Variants in UBQLN1 observed in about 807,000 individuals in gnomAD.
The protein encoded by UBQLN1 is ubiquilin 1.
UBQLN1 carries 13 observed loss-of-function variants against 65.4 expected under a neutral mutation model. That is an observed-to-expected ratio of 0.20 (90% CI 0.13 to 0.32). The LOEUF is 0.32. Ranked by LOEUF, UBQLN1 falls within the 10% of genes least tolerant of loss-of-function variation. UBQLN1 has a pLI of 1.00. For synonymous variants in UBQLN1, 267 were observed against 247.8 expected, an observed-to-expected ratio of 1.08 and a Z score of -0.73; for missense variants, 561 against 724.0, an observed-to-expected ratio of 0.77 and a Z score of 2.58.
chr9:83,666,024 G>A (rs924205987), intron 8 of UBQLN1, among the ~76,000 whole-genome samples: 3 of 152,174 alleles, frequency 2.0e-5, no homozygotes, highest in East Asian at 1.9e-4. Flanking sequence ...ACCATAAAGC[G>A]TAACATGACA....
intron 6 of UBQLN1, among the ~76,000 whole-genome samples, chr9:83,675,419 G>C (rs781165461): frequency 6.6e-6 from 1 of 150,968 alleles, no homozygotes. Context: ...AACTAAAATT[G>C]TTTGAATCAC....
chr9:83,676,301 CA>C (rs1831830906), intron 6 of UBQLN1, among the ~76,000 whole-genome samples: 1 of 152,180 alleles, frequency 6.6e-6, no homozygotes, highest in African/African-American at 2.4e-5. Flanking sequence ...GTTAAAGTAT[CA>C]AACCATTAAG....
Position 83,707,624 on chromosome 9 carries a change from C to T in UBQLN1, c.56G>A (p.Gly19Glu), listed in dbSNP as rs1040810717. The T allele has an allele frequency of 1.9e-6, 3 of 1,583,410 alleles. No individual in the cohort carries two copies. The African/African-American group carries it at 4.0e-5, about 21-fold the overall frequency. ...GPPGSQDSAA[G>E]AEGAGAPAAA... ...CGCGGGGGCGCCAGCACCTTCGGCT[C>T]CGGCGGCGCTATCCTGGGAGCCCGG... is the stretch of plus-strand genomic sequence containing the variant. Residue 19 changes from glycine (G) to glutamate (E), a missense_variant, in exon 1 of 11, where the codon GGA (glycine) becomes GAA (glutamate). Around this residue, in one of 8 missense-constraint regions of UBQLN1, gnomAD observed 101 missense variants for 104.9 expected, o/e 0.96. Coordinates refer to ENST00000376395, the MANE Select transcript of UBQLN1 (RefSeq NM_013438.5).
intron 7 of UBQLN1, chr9:83,668,127 T>C: frequency 1.0e-6 from 1 of 985,400 alleles, no homozygotes; most frequent in Non-Finnish European, 1.2e-6. Flanking sequence ...TATGCATAAA[T>C]CAATCTTCCA....
chr9:83,694,903 C>A (rs536724817), intron 1 of UBQLN1, among the ~76,000 whole-genome samples: 4 of 152,298 alleles, frequency 2.6e-5, no homozygotes, highest in African/African-American at 9.6e-5. Context: ...CCTTACCCAT[C>A]ATCAGATTTC....
intron 1 of UBQLN1, among the ~76,000 whole-genome samples, chr9:83,703,483 C>T (rs1333861): frequency 0.27 from 40,583 of 151,928 alleles, 6,626 homozygotes; most frequent in East Asian, 0.8. Flanking sequence ...TAGGTGCCAT[C>T]CCCAAGATAT....
At chr9:83,704,370 T>C (rs1033557373) in intron 1 of UBQLN1, among the ~76,000 whole-genome samples, 10 of 152,220 alleles carry the variant, frequency 6.6e-5, no homozygotes, top group Non-Finnish European at 1.0e-4. Context: ...CTGTTTCCCT[T>C]GCATATACAA....
At chr9:83,672,023 T>C (rs375989972) in intron 6 of UBQLN1, among the ~76,000 whole-genome samples, 9 of 152,264 alleles carry the variant, frequency 5.9e-5, no homozygotes, top group Non-Finnish European at 1.0e-4. Flanking sequence ...CTTTACATTA[T>C]GGAGTTGGCT....
intron 1 of UBQLN1, among the ~76,000 whole-genome samples, chr9:83,692,740 T>A (rs1015572813): frequency 1.3e-5 from 2 of 152,106 alleles, no homozygotes; most frequent in Non-Finnish European, 2.9e-5. Context: ...TAATCCCAGC[T>A]ACTTGGGAGG....
In UBQLN1 at chr9:83,660,059, G is replaced by A. The variant is rs1464368120; in HGVS notation, c.*1728C>T. On this transcript the variant is annotated 3_prime_UTR_variant, in exon 11 of 11. Coordinates refer to ENST00000376395, the MANE Select transcript of UBQLN1 (RefSeq NM_013438.5). The stretch of plus-strand genomic sequence containing the variant: ...CCACACTGAATACCACCATTTGCCA[G>A]TACAGAAGTTTTTAAACCAAACTGA... 6.6e-6 allele frequency: 1 copy of A among 152,178 alleles called. No homozygotes were observed. The highest frequency in any genetic ancestry group is 2.1e-4 in the South Asian group (1 of 4,832). 9.4% of individuals were successfully genotyped at this position (152,178 alleles called of 1,614,324 possible).
At position 83,673,564 on chromosome 9, in the gene UBQLN1, AAAAC is replaced by A. The variant is rs1462404037; in HGVS notation, c.1105+4159_1105+4162del. On this transcript the variant is annotated intron_variant, in intron 6 of 10. Transcript: ENST00000376395. ...GGTCTTTTAAAAAAAAAAAAAAAAAAAAACAAAAAAAAAAAACTGCGCTTACGTT... is the reference window on the plus strand; with the variant it reads ...GGTCTTTTAAAAAAAAAAAAAAAAAAAAAAAAAAAAAACTGCGCTTACGTT... Among the ~76,000 whole-genome samples, 288 of 39,038 alleles carry A rather than the reference AAAAC, an allele frequency of 7.4e-3. 12 individuals carry two copies. Among genetic ancestry groups the A allele is most frequent in the East Asian group, 0.016 (11 of 680 alleles). The allele number at this position is 39,038 out of a possible 152,430, so 25.6% of individuals were successfully genotyped here. A position where few individuals can be genotyped will look rare whatever the true frequency, so the allele number is the denominator to read the frequency against.
At position 83,660,342 on chromosome 9, in the gene UBQLN1, C is replaced by T. The variant is rs1365259997; in HGVS notation, c.*1445G>A. On this transcript the variant is annotated 3_prime_UTR_variant, in exon 11 of 11. Coordinates refer to ENST00000376395, the MANE Select transcript of UBQLN1 (RefSeq NM_013438.5). ...ACTTTAACATTTTAATTTCCTGTAA[C>T]TGTACATGAGAGAATATAATCACCT... The T allele has an allele frequency of 6.6e-6, 1 of 152,598 alleles. No homozygotes were observed. Among genetic ancestry groups the T allele is most frequent in the East Asian group, 1.9e-4 (1 of 5,194 alleles). 9.5% of individuals were successfully genotyped at this position (152,598 alleles called of 1,614,324 possible).
chr9:83,668,420 G>C (rs1831677073), intron 7 of UBQLN1: 1 of 985,212 alleles, frequency 1.0e-6, no homozygotes, highest in Non-Finnish European at 1.2e-6. Flanking sequence ...AGATTATCAA[G>C]GTTTATTTCA....
At position 83,683,194 on chromosome 9, in the gene UBQLN1, C is replaced by CT. The variant is rs1831975743; in HGVS notation, c.333-129_333-128insA. 10 of 532,772 alleles carry CT rather than the reference C, an allele frequency of 1.9e-5. No homozygotes were observed. The South Asian group carries it at 2.3e-4, about 12-fold the overall frequency. 33.0% of individuals were successfully genotyped at this position (532,772 alleles called of 1,614,324 possible). A position where few individuals can be genotyped will look rare whatever the true frequency, so the allele number is the denominator to read the frequency against. On this transcript the variant is annotated intron_variant, in intron 2 of 10. Transcript: ENST00000376395. The stretch of plus-strand genomic sequence containing the variant: ...TTGGGAGGCCGAAGCTGGCTGATCA[C>CT]GAGGTCAAGAGATAGAGAACATCCT...
chr9:83,679,723 T>A lies in UBQLN1; in HGVS notation c.711+52A>T, dbSNP rs1587648227. ...ATCTCATTAACCACAGAAAATTAAA[T>A]AACAAATATATCATTTTTTAGCTAA... On this transcript the variant is annotated intron_variant, in intron 4 of 10. Coordinates refer to ENST00000376395, the MANE Select transcript of UBQLN1 (RefSeq NM_013438.5). 11 of 1,572,620 alleles carry A rather than the reference T, an allele frequency of 7.0e-6. No homozygotes were observed. In the East Asian group the frequency reaches 2.5e-4, roughly 35 times the overall value.
rs138447638 is a variant in UBQLN1 at position 83,684,806 on chromosome 9, G to C, written c.332+1198C>G. On this transcript the variant is annotated intron_variant, in intron 2 of 10. Transcript: ENST00000376395. ...GCCTGGGCAACAAGAGTGAAATTCCGTCTCAAAAAAAAAAAAAAAAAAGTA... is the reference window on the plus strand; with the variant it reads ...GCCTGGGCAACAAGAGTGAAATTCCCTCTCAAAAAAAAAAAAAAAAAAGTA... Among the ~76,000 whole-genome samples the C allele has an allele frequency of 8.0e-3, 1,084 of 134,982 alleles. 33 individuals are homozygous for C. The highest frequency in any genetic ancestry group is 0.046 in the East Asian group (217 of 4,724). The allele number at this position is 134,982 out of a possible 152,430, so 88.6% of individuals were successfully genotyped here.
intron 1 of UBQLN1, among the ~76,000 whole-genome samples, chr9:83,691,061 C>T (rs1204759176): frequency 1.3e-5 from 2 of 151,960 alleles, no homozygotes; most frequent in Non-Finnish European, 2.9e-5. Flanking sequence ...TCACTTGAAC[C>T]CAGGAGGCAG....
chr9:83,678,627 A>G lies in UBQLN1; in HGVS notation c.712-28T>C, dbSNP rs200151116. ...ACGAAAAATATTTCCAAAAAAAGAA[A>G]AAAAAAAGGCATTGAAATACACATG... On this transcript the variant is annotated intron_variant, in intron 4 of 10. Transcript: ENST00000376395. 7.3e-4 allele frequency: 1,166 copies of G among 1,587,672 alleles called. 6 individuals carry two copies. Among genetic ancestry groups the G allele is most frequent in the Non-Finnish European group, 2.7e-4 (319 of 1,171,476 alleles).
At chr9:83,707,452 A>G (rs928348319) in intron 1 of UBQLN1, 48 bp downstream of exon 1, 1 of 1,536,362 alleles carries the variant, frequency 6.5e-7, no homozygotes, top group Non-Finnish European at 8.7e-7. Context: ...CGGCGGGCGG[A>G]GGTCCTGCCG....
Sources: allele counts gnomAD v4.1 joint callset (sites outside exome capture counted in the v4.1 genomes callset), GRCh38; gene constraint gnomAD v4.1.1; regional missense constraint gnomAD v4.1.1; transcripts MANE v1.5; gene names NCBI Gene and HGNC (gene_info 2026-07-23, HGNC 2026-07-21).